Variants in DMRT1 observed in about 807,000 individuals in gnomAD.
DMRT1 encodes doublesex- and mab-3-related transcription factor 1.
In DMRT1, 7 loss-of-function variants were observed where a neutral mutation model predicts 32.3. The ratio of observed to expected loss-of-function variants is 0.22; its 90% CI spans 0.12 to 0.41. The LOEUF is 0.41. Among genes scored for constraint, DMRT1 ranks in the 10% least tolerant of loss-of-function variants. The pLI is 1.00. For synonymous variants in DMRT1, 278 were observed against 206.1 expected (o/e 1.35, Z -2.99); for missense variants, 625 against 500.5 (o/e 1.25, Z -2.37).
intron 1 of DMRT1, among the ~76,000 whole-genome samples, chr9:846,095 G>A (rs544833097): frequency 2.0e-5 from 3 of 149,542 alleles, no homozygotes; most frequent in Admixed American, 6.7e-5. Context: ...GCAGTGTCGC[G>A]ATCTCGGCTC....
chr9:860,570 A>G (rs1394240138), intron 2 of DMRT1, among the ~76,000 whole-genome samples: 1 of 152,176 alleles, frequency 6.6e-6, no homozygotes, highest in African/African-American at 2.4e-5. Flanking sequence ...CAGTGCATAT[A>G]TCTCTCACAT....
intron 3 of DMRT1, among the ~76,000 whole-genome samples, chr9:895,483 T>A: frequency 6.6e-6 from 1 of 152,220 alleles, no homozygotes; most frequent in East Asian, 1.9e-4. Flanking sequence ...CACATATATA[T>A]TTGGGAGTTC....
intron 4 of DMRT1, among the ~76,000 whole-genome samples, chr9:935,312 G>A (rs374786220): frequency 2.6e-5 from 4 of 152,302 alleles, no homozygotes; most frequent in African/African-American, 7.2e-5. Flanking sequence ...ATTGGCAAAC[G>A]AGGGGGGCAG....
chr9:942,898 G>T lies in DMRT1; in HGVS notation c.968-25087G>T, dbSNP rs142116022. Reference sequence around the variant, plus strand: ...TGGGGTGTTATTTAAGCCATCTGTCGCAAAGAATTACTCCCTTAAGGAATG... The same window carrying T: ...TGGGGTGTTATTTAAGCCATCTGTCTCAAAGAATTACTCCCTTAAGGAATG... On this transcript the variant is annotated intron_variant, in intron 4 of 4. Coordinates refer to ENST00000382276, the MANE Select transcript of DMRT1 (RefSeq NM_021951.3). 2.6e-3 allele frequency among the ~76,000 whole-genome samples: 395 copies of T among 151,624 alleles called. 4 individuals carry two copies. The highest frequency in any genetic ancestry group is 9.3e-3 in the African/African-American group (385 of 41,280).
intron 4 of DMRT1, among the ~76,000 whole-genome samples, chr9:930,308 C>G (rs931980186): frequency 1.4e-5 from 2 of 139,028 alleles, no homozygotes; most frequent in South Asian, 4.2e-4. Flanking sequence ...CTCCTTGGCT[C>G]AAGTCATCTG....
At chr9:930,505 G>C (rs895196764) in intron 4 of DMRT1, among the ~76,000 whole-genome samples, 3 of 151,722 alleles carry the variant, frequency 2.0e-5, no homozygotes, top group Admixed American at 6.6e-5. Flanking sequence ...TCCGCCTCTC[G>C]GGTTCATGCC....
At chr9:908,221 C>T (rs1817847967) in intron 3 of DMRT1, among the ~76,000 whole-genome samples, 1 of 152,118 alleles carries the variant, frequency 6.6e-6, no homozygotes, top group African/African-American at 2.4e-5. Flanking sequence ...GAGGGGGGCC[C>T]AAGGTGAGAG....
chr9:890,308 A>T (rs77481199), intron 2 of DMRT1, among the ~76,000 whole-genome samples: 3,383 of 152,218 alleles, frequency 0.022, 96 homozygotes, highest in African/African-American at 0.069. Flanking sequence ...GCGAATGGAC[A>T]TGTGCCCTCT....
At chr9:866,662 A>G (rs140708169) in intron 2 of DMRT1, among the ~76,000 whole-genome samples, 1,915 of 152,306 alleles carry the variant, frequency 0.013, 17 homozygotes, top group Non-Finnish European at 0.019. Flanking sequence ...ATGGGCAAGG[A>G]AGTAACAAGC....
rs752764799 is a variant in DMRT1, at chr9:842,093, C to G, written c.255C>G (p.Ala85=). 4 of 1,546,664 alleles carry G rather than the reference C, an allele frequency of 2.6e-6. No individual in the cohort carries two copies. The East Asian group carries it at 9.7e-5, about 37-fold the overall frequency. The change falls in exon 1 of 5, where the codon GCC becomes GCG. Residue 85 remains alanine (A), a synonymous_variant. Coordinates refer to ENST00000382276, the MANE Select transcript of DMRT1 (RefSeq NM_021951.3). ...KCARCRNHGY[A]SPLKGHKRFC... is the part of the protein sequence containing the mutation. ...CACGCTGCAGGAACCACGGCTACGC[C>G]TCGCCGCTCAAGGGCCACAAGCGCT...
chr9:936,352 A>G (rs1818885045), intron 4 of DMRT1, among the ~76,000 whole-genome samples: 1 of 152,138 alleles, frequency 6.6e-6, no homozygotes, highest in Non-Finnish European at 1.5e-5. Context: ...TTCATATTTA[A>G]TACTAGATGA....
At chr9:937,051 A>C (rs1818910886) in intron 4 of DMRT1, among the ~76,000 whole-genome samples, 1 of 151,992 alleles carries the variant, frequency 6.6e-6, no homozygotes, top group Non-Finnish European at 1.5e-5. Context: ...TTCCATCTTT[A>C]TGAATTTGCC....
intron 2 of DMRT1, among the ~76,000 whole-genome samples, chr9:878,946 C>T (rs1279707733): frequency 6.6e-6 from 1 of 152,150 alleles, no homozygotes; most frequent in Non-Finnish European, 1.5e-5. Context: ...TTGCTTGGGA[C>T]CAGTGCTCTC....
chr9:854,536 A>T (rs1441468947), intron 2 of DMRT1, among the ~76,000 whole-genome samples: 1 of 152,138 alleles, frequency 6.6e-6, no homozygotes, highest in Non-Finnish European at 1.5e-5. Context: ...GTAAAGAAGG[A>T]AATACTTTAT....
At chr9:869,615 T>C (rs1816144843) in intron 2 of DMRT1, among the ~76,000 whole-genome samples, 1 of 152,190 alleles carries the variant, frequency 6.6e-6, no homozygotes, top group Non-Finnish European at 1.5e-5. Flanking sequence ...GTAAGGCTAC[T>C]CCTCCCCTCT....
intron 2 of DMRT1, among the ~76,000 whole-genome samples, chr9:875,338 A>G (rs890751399): frequency 6.6e-6 from 1 of 152,186 alleles, no homozygotes; most frequent in African/African-American, 2.4e-5. Flanking sequence ...CTCACTTTCC[A>G]CAGATAGGGC....
At chr9:906,902 C>G (rs1397695142) in intron 3 of DMRT1, among the ~76,000 whole-genome samples, 2 of 152,140 alleles carry the variant, frequency 1.3e-5, no homozygotes, top group Non-Finnish European at 2.9e-5. Flanking sequence ...TCCTTGGGAC[C>G]AGAACCAAGT....
At chr9:932,504 A>G (rs10816070) in intron 4 of DMRT1, among the ~76,000 whole-genome samples, 41,089 of 152,140 alleles carry the variant, frequency 0.27, 7,775 homozygotes, top group African/African-American at 0.54. Flanking sequence ...GCACTTTGAC[A>G]TAGATCATTT....
At chr9:936,360 T>C (rs1207667120) in intron 4 of DMRT1, among the ~76,000 whole-genome samples, 2 of 152,152 alleles carry the variant, frequency 1.3e-5, no homozygotes, top group African/African-American at 4.8e-5. Context: ...TAATACTAGA[T>C]GAAAGAACTA....
Sources: gnomAD v4.1 joint callset for allele counts (sites outside exome capture counted in the v4.1 genomes callset) on GRCh38, gnomAD v4.1.1 for gene constraint, MANE v1.5 for transcripts, NCBI Gene and HGNC (gene_info 2026-07-23, HGNC 2026-07-21) for gene names.